COL1A2: variants seen among roughly 807,000 people sequenced by gnomAD.
COL1A2 encodes collagen alpha-2(I) chain.
Under a neutral mutation model 174.3 loss-of-function variants are expected in COL1A2, and 49 were observed. The observed-to-expected ratio is 0.28, with a 90% CI of 0.22 to 0.36. COL1A2 has a LOEUF of 0.36. Ranked by LOEUF, COL1A2 falls within the 10% of genes least tolerant of loss-of-function variation. The pLI is 1.00. For synonymous variants in COL1A2, 655 were observed against 606.6 expected (o/e 1.08, Z -1.17); for missense variants, 1,438 against 1,822.7 (o/e 0.79, Z 3.84).
At chr7:94,400,352 A>G in intron 5 of COL1A2, 64 bp downstream of exon 5, 1 of 1,383,350 alleles carries the variant, frequency 7.2e-7, no homozygotes, top group Non-Finnish European at 1.0e-6. Flanking sequence ...TTATTGTGGA[A>G]TTTATTTTTA....
intron 32 of COL1A2, among the ~76,000 whole-genome samples, chr7:94,418,239 T>C (rs538180342): frequency 1.3e-5 from 2 of 152,350 alleles, no homozygotes; most frequent in Admixed American, 1.3e-4. Flanking sequence ...TGTACCTTGC[T>C]TGATTATGCT....
chr7:94,425,371 T>C (rs1408401667), intron 42 of COL1A2, 147 bp downstream of exon 42: 4 of 876,622 alleles, frequency 4.6e-6, no homozygotes, highest in Non-Finnish European at 5.4e-6. Flanking sequence ...ACTGAAAATA[T>C]GAAAATTGCT....
Position 94,411,025 on chromosome 7 carries a change from C to T in COL1A2, c.1252-31C>T, listed in dbSNP as rs746964370. 4.4e-6 allele frequency: 7 copies of T among 1,593,422 alleles called. No homozygotes were observed. In the East Asian group the frequency reaches 9.0e-5, roughly 20 times the overall value. ...TGTCATTAGCTTTAGCATCCTCCTC[C>T]TCTATCTGTTTTTTTTTTTTTTTTG... is the stretch of plus-strand genomic sequence containing the variant. On this transcript the variant is annotated intron_variant, in intron 22 of 51. Coordinates refer to ENST00000297268, the MANE Select transcript of COL1A2 (RefSeq NM_000089.4).
chr7:94,400,631 TC>T (rs1229866695), intron 5 of COL1A2, among the ~76,000 whole-genome samples: 1 of 152,204 alleles, frequency 6.6e-6, no homozygotes, highest in African/African-American at 2.4e-5. Flanking sequence ...AAATCCCTGA[TC>T]TTAAGCAATT....
rs772555004 is a variant in COL1A2 at position 94,425,758 on chromosome 7, C to T, written c.2844C>T (p.Arg948=). 15 of 1,613,616 alleles carry T rather than the reference C, an allele frequency of 9.3e-6. No individual in the cohort carries two copies. The highest frequency in any genetic ancestry group is 1.6e-4 in the Middle Eastern group (1 of 6,062). Residue 948 remains arginine, a synonymous_variant, in exon 44 of 52, where the codon CGC becomes CGT. Transcript: ENST00000297268. The part of the protein sequence containing the change: ...RDGQPGHKGE[R]GYPGNIGPVG... ...CATTTTGCCTTTGGTAGGGAGAGCG[C>T]GGTTACCCTGGCAATATTGGTCCCG...
chr7:94,398,463 A>G (rs1455032709), intron 3 of COL1A2, 67 bp downstream of exon 3: 2 of 654,626 alleles, frequency 3.1e-6, no homozygotes, highest in Non-Finnish European at 4.8e-6. Flanking sequence ...AACTAAATTT[A>G]TAGTAGACTA....
At chr7:94,423,453 A>G in intron 40 of COL1A2, 1 of 364,596 alleles carries the variant, frequency 2.7e-6, no homozygotes. Context: ...GTAGGCTACC[A>G]ATTTCTTAAA....
Position 94,430,475 on chromosome 7 carries a change from A to T in COL1A2, c.*82A>T. 7.0e-7 allele frequency: 1 copy of T among 1,425,692 alleles called. No homozygotes were observed. The highest frequency in any genetic ancestry group is 9.8e-7 in the Non-Finnish European group (1 of 1,024,236). The allele number at this position is 1,425,692 out of a possible 1,614,324, so 88.3% of individuals were successfully genotyped here. On this transcript the variant is annotated 3_prime_UTR_variant, in exon 52 of 52. Coordinates refer to ENST00000297268, the MANE Select transcript of COL1A2 (RefSeq NM_000089.4). The stretch of plus-strand genomic sequence containing the variant: ...TTTCTTCTTCTTCTTTTTTAACTGA[A>T]AGCTGAATCCTTCCATTTCTTCTGC...
Position 94,399,057 on chromosome 7 carries a change from C to T in COL1A2, c.105C>T (p.Ala35=), listed in dbSNP as rs533917998. 1.4e-5 allele frequency: 22 copies of T among 1,613,502 alleles called. No individual in the cohort carries two copies. The highest frequency in any genetic ancestry group is 1.7e-4 in the Middle Eastern group (1 of 6,060). ...LQEETVRKGP[A]GDRGPRGERG... ...TTGTATCTTTCCTGTAGGGCCCAGC[C>T]GGAGATAGAGGACCACGTGGAGAAA... The change falls in exon 4 of 52, where the codon GCC becomes GCT. Residue 35 remains alanine (A), a synonymous_variant. Transcript: ENST00000297268.
At chr7:94,430,115 C>A in intron 51 of COL1A2, 132 bp from the exon 52 acceptor site, 1 of 908,112 alleles carries the variant, frequency 1.1e-6, no homozygotes, top group Non-Finnish European at 1.7e-6. Context: ...CAAGGATGAA[C>A]TTATTTATCT....
intron 24 of COL1A2, 149 bp downstream of exon 24, chr7:94,412,270 T>A (rs1271370464): frequency 5.0e-6 from 4 of 800,220 alleles, no homozygotes; most frequent in Non-Finnish European, 8.6e-6. Flanking sequence ...AGATTGTAAT[T>A]ATGGAGTCCA....
chr7:94,417,580 C>T, intron 31 of COL1A2, 144 bp from the exon 32 acceptor site: 1 of 711,698 alleles, frequency 1.4e-6, no homozygotes, highest in East Asian at 2.8e-5. Context: ...ATTCTCCCTC[C>T]TTTCAATAGC....
At chr7:94,409,683 A>G (rs924861463) in intron 18 of COL1A2, 40 bp from the exon 19 acceptor site, 1 of 1,613,758 alleles carries the variant, frequency 6.2e-7, no homozygotes, top group South Asian at 1.1e-5. Flanking sequence ...TCTACAGCCC[A>G]TCACCTCCCT....
intron 48 of COL1A2, 115 bp downstream of exon 48, chr7:94,427,410 C>T: frequency 8.8e-7 from 1 of 1,136,532 alleles, no homozygotes; most frequent in South Asian, 1.3e-5. Context: ...TTCAATATAT[C>T]CTCTAAAATA....
At chr7:94,399,612 A>C (rs4729132) in intron 4 of COL1A2, among the ~76,000 whole-genome samples, 1 of 152,058 alleles carries the variant, frequency 6.6e-6, no homozygotes, top group Non-Finnish European at 1.5e-5. Context: ...TTGCCAATAT[A>C]TGAATACCTA....
In COL1A2 at chr7:94,413,117, C is replaced by T; in HGVS notation, c.1538C>T (p.Ala513Val). 1.2e-6 allele frequency: 2 copies of T among 1,614,154 alleles called. No homozygotes were observed. The highest frequency in any genetic ancestry group is 1.7e-6 in the Non-Finnish European group (2 of 1,180,012). ...GGCAAAAACGGTGATAAAGGTCATG[C>T]TGGTCTTGCTGGTGCTCGGGTAGGT... is the stretch of plus-strand genomic sequence containing the variant. Reference protein sequence around the residue: ...DPGKNGDKGHAGLAGARGAPG... With the variant: ...DPGKNGDKGHVGLAGARGAPG... The change falls in exon 26 of 52, where the codon GCT becomes GTT. Residue 513 changes from alanine to valine, a missense_variant. Transcript: ENST00000297268.
intron 24 of COL1A2, 37 bp from the exon 25 acceptor site, chr7:94,412,547 T>A: frequency 1.3e-6 from 2 of 1,535,540 alleles, no homozygotes; most frequent in Non-Finnish European, 1.8e-6. Context: ...TGAGAATATG[T>A]TGACACTGAG....
chr7:94,425,756 C>A lies in COL1A2; in HGVS notation c.2842C>A (p.Arg948Ser), dbSNP rs779303344. ...TTCATTTTGCCTTTGGTAGGGAGAGCGCGGTTACCCTGGCAATATTGGTCC... is the reference window on the plus strand; with the variant it reads ...TTCATTTTGCCTTTGGTAGGGAGAGAGCGGTTACCCTGGCAATATTGGTCC... ...RDGQPGHKGE[R>S]GYPGNIGPVG... The change falls in exon 44 of 52, where the codon CGC (arginine) becomes AGC (serine). Residue 948 changes from arginine (R) to serine (S), a missense_variant. This residue lies in a region of COL1A2 where 867 missense variants were observed against 1,213.7 expected (regional missense o/e 0.71). Transcript: ENST00000297268. 27 of 1,613,488 alleles carry A rather than the reference C, an allele frequency of 1.7e-5. No homozygotes were observed. Among genetic ancestry groups the A allele is most frequent in the Non-Finnish European group, 2.1e-5 (25 of 1,179,814 alleles).
At chr7:94,428,108 T>A (rs1792320592) in intron 49 of COL1A2, among the ~76,000 whole-genome samples, 185 bp from the exon 50 acceptor site, 1 of 152,128 alleles carries the variant, frequency 6.6e-6, no homozygotes, top group African/African-American at 2.4e-5. Flanking sequence ...CTGATTTGAT[T>A]TTTCATGGAG....
Sources: allele counts gnomAD v4.1 joint callset (sites outside exome capture counted in the v4.1 genomes callset), GRCh38; gene constraint gnomAD v4.1.1; regional missense constraint gnomAD v4.1.1; transcripts MANE v1.5; gene names NCBI Gene and HGNC (gene_info 2026-07-23, HGNC 2026-07-21).